Variants in CFAP299 observed in about 807,000 individuals in gnomAD.
CFAP299 encodes cilia and flagella associated protein 299, also known as cilia- and flagella-associated protein 299.
In CFAP299, 21 loss-of-function variants were observed where a neutral mutation model predicts 27.0. That is an observed-to-expected ratio of 0.78 (90% CI 0.55 to 1.12). CFAP299 has a LOEUF of 1.12. CFAP299 is among the 50% of genes most tolerant of loss of function. The pLI is 0.00. For missense variants in CFAP299, 310 were observed against 276.6 expected (o/e 1.12, Z -0.86); for synonymous variants, 104 against 98.1 (o/e 1.06, Z -0.36).
intron 3 of CFAP299, among the ~76,000 whole-genome samples, chr4:80,869,211 T>A (rs985243880): frequency 6.6e-6 from 1 of 152,094 alleles, no homozygotes; most frequent in South Asian, 2.1e-4. Context: ...TACATGGAGT[T>A]ATGTGGGCAA....
chr4:80,376,155 C>T (rs1202516401), intron 2 of CFAP299, among the ~76,000 whole-genome samples: 1 of 152,110 alleles, frequency 6.6e-6, no homozygotes, highest in African/African-American at 2.4e-5. Flanking sequence ...TTTAGAATGT[C>T]ATATGAATGG....
chr4:80,959,237 A>C (rs1267619117), intron 5 of CFAP299, among the ~76,000 whole-genome samples: 4 of 150,738 alleles, frequency 2.7e-5, no homozygotes, highest in Non-Finnish European at 5.9e-5. Flanking sequence ...AGAAGCCTTG[A>C]GATAGATATA....
At chr4:80,340,717 C>G (rs530232985) in intron 1 of CFAP299, among the ~76,000 whole-genome samples, 26 of 152,228 alleles carry the variant, frequency 1.7e-4, no homozygotes, top group Non-Finnish European at 3.5e-4. Context: ...AGGAGTCCCT[C>G]ACCCCTCACA....
At chr4:80,544,210 A>G (rs968122044) in intron 2 of CFAP299, among the ~76,000 whole-genome samples, 1 of 152,212 alleles carries the variant, frequency 6.6e-6, no homozygotes, top group African/African-American at 2.4e-5. Context: ...AGGGAATACT[A>G]AACATAAAAA....
chr4:80,799,684 A>T (rs1728205420), intron 3 of CFAP299, among the ~76,000 whole-genome samples: 2 of 8,242 alleles, frequency 2.4e-4, no homozygotes, highest in Non-Finnish European at 5.0e-4. Context: ...TATATTTATA[A>T]ATATATAATA....
At chr4:80,887,263 G>A (rs1734018504) in intron 4 of CFAP299, among the ~76,000 whole-genome samples, 1 of 152,044 alleles carries the variant, frequency 6.6e-6, no homozygotes, top group Non-Finnish European at 1.5e-5. Context: ...ACCCAAAGAA[G>A]ACTACCTAAA....
chr4:80,438,652 T>A (rs189597373), intron 2 of CFAP299, among the ~76,000 whole-genome samples: 1 of 152,232 alleles, frequency 6.6e-6, no homozygotes, highest in African/African-American at 2.4e-5. Context: ...TTTAACAAGC[T>A]GATTTAATTA....
chr4:80,687,327 T>A (rs1181647576), intron 3 of CFAP299, among the ~76,000 whole-genome samples: 2 of 152,214 alleles, frequency 1.3e-5, no homozygotes, highest in Non-Finnish European at 2.9e-5. Flanking sequence ...TTTTTTTTTA[T>A]AGTATCTCAG....
chr4:80,952,970 A>G (rs1737860865), intron 5 of CFAP299, among the ~76,000 whole-genome samples: 2 of 152,178 alleles, frequency 1.3e-5, no homozygotes, highest in South Asian at 2.1e-4. Context: ...TCTACGTCCT[A>G]TATGCAGATG....
chr4:80,770,102 C>A (rs1726125873), intron 3 of CFAP299, among the ~76,000 whole-genome samples: 1 of 152,122 alleles, frequency 6.6e-6, no homozygotes, highest in Admixed American at 6.6e-5. Flanking sequence ...TTTCTTTGCA[C>A]TTTCTTGGTC....
intron 4 of CFAP299, among the ~76,000 whole-genome samples, chr4:80,930,023 A>T (rs1468417815): frequency 6.6e-6 from 1 of 152,132 alleles, no homozygotes; most frequent in Non-Finnish European, 1.5e-5. Context: ...ACACTGCAGG[A>T]TGGTTGCATC....
Position 80,543,466 on chromosome 4 carries a change from C to A in CFAP299, c.243-39627C>A, listed in dbSNP as rs1245644398. 3.3e-5 allele frequency among the ~76,000 whole-genome samples: 5 copies of A among 152,114 alleles called. No individual in the cohort carries two copies. In the East Asian group the frequency reaches 7.7e-4, roughly 23 times the overall value. ...CAATCCAGGGAAAGCAGTAAAATAA[C>A]CTAAAAGTCAAAAGATGACATAACC... On this transcript the variant is annotated intron_variant, in intron 2 of 5. Coordinates refer to ENST00000358105, the MANE Select transcript of CFAP299 (RefSeq NM_152770.3).
chr4:80,687,535 CTT>C (rs1008930068), intron 3 of CFAP299, among the ~76,000 whole-genome samples: 2 of 152,116 alleles, frequency 1.3e-5, no homozygotes, highest in African/African-American at 2.4e-5. Context: ...GGGTTTGAGT[CTT>C]GTATCCAACA....
intron 2 of CFAP299, among the ~76,000 whole-genome samples, chr4:80,530,675 T>C (rs1004053572): frequency 6.6e-6 from 1 of 152,162 alleles, no homozygotes; most frequent in African/African-American, 2.4e-5. Flanking sequence ...AAATTGTAAA[T>C]GCAATGGAGA....
At chr4:80,781,672 G>A (rs916887321) in intron 3 of CFAP299, among the ~76,000 whole-genome samples, 52 of 152,162 alleles carry the variant, frequency 3.4e-4, no homozygotes, top group African/African-American at 1.1e-3. Context: ...CCTACTTGAG[G>A]TATTTGATAT....
intron 3 of CFAP299, among the ~76,000 whole-genome samples, chr4:80,654,014 G>T (rs1362750448): frequency 6.6e-6 from 1 of 152,078 alleles, no homozygotes; most frequent in African/African-American, 2.4e-5. Context: ...AATGCATTGA[G>T]CTGAGTTTAT....
chr4:80,818,240 C>A (rs937506226), intron 3 of CFAP299, among the ~76,000 whole-genome samples: 2 of 152,112 alleles, frequency 1.3e-5, no homozygotes, highest in Admixed American at 1.3e-4. Context: ...AGGTTTTTAT[C>A]CAGTCTATAG....
intron 3 of CFAP299, among the ~76,000 whole-genome samples, chr4:80,816,624 C>T (rs973347074): frequency 6.6e-6 from 1 of 151,992 alleles, no homozygotes; most frequent in Non-Finnish European, 1.5e-5. Context: ...GTGAGTGTAT[C>T]CCATTTTCTC....
At chr4:80,506,195 G>C (rs1034751060) in intron 2 of CFAP299, among the ~76,000 whole-genome samples, 2 of 151,984 alleles carry the variant, frequency 1.3e-5, no homozygotes, top group Non-Finnish European at 2.9e-5. Context: ...TCTCCAGACT[G>C]AGTTATGTTG....
Sources: allele counts gnomAD v4.1 joint callset (sites outside exome capture counted in the v4.1 genomes callset), GRCh38; gene constraint gnomAD v4.1.1; transcripts MANE v1.5; gene names NCBI Gene and HGNC (gene_info 2026-07-23, HGNC 2026-07-21).